BCL11B: variants seen among roughly 807,000 people sequenced by gnomAD.
BCL11B encodes the protein B-cell lymphoma/leukemia 11B.
Under a neutral mutation model 49.9 loss-of-function variants are expected in BCL11B, and 8 were observed. That is an observed-to-expected ratio of 0.16 (90% CI 0.09 to 0.29). The LOEUF (loss-of-function observed/expected upper bound fraction) is 0.29. Among genes scored for constraint, BCL11B ranks in the 10% least tolerant of loss-of-function variants. The pLI is 1.00. For missense variants in BCL11B, 1,006 were observed against 1,351.0 expected (o/e 0.74, Z 4.00); for synonymous variants, 739 against 637.4 (o/e 1.16, Z -2.40).
rs1046574116 is a variant in BCL11B at position 99,173,092 on chromosome 14, A to T, written c.*1059T>A. On this transcript the variant is annotated 3_prime_UTR_variant, in exon 4 of 4. Transcript: ENST00000357195. ...GAGATTTATGTGGTGGGGGTGATTT[A>T]AAAAAAGAGAGAAGCCGTCAAGCCA... 3 of 229,300 alleles carry T rather than the reference A, an allele frequency of 1.3e-5. No individual in the cohort carries two copies. Among genetic ancestry groups the T allele is most frequent in the African/African-American group, 2.2e-5 (1 of 45,052 alleles). 14.2% of individuals were successfully genotyped at this position (229,300 alleles called of 1,614,324 possible).
At chr14:99,260,601 C>T (rs551009859) in intron 1 of BCL11B, among the ~76,000 whole-genome samples, 67 of 152,194 alleles carry the variant, frequency 4.4e-4, no homozygotes, top group Non-Finnish European at 4.9e-4. Context: ...TCCTCAGCTT[C>T]GTCTTTTGCC....
rs538615582 is a variant in BCL11B at position 99,174,133 on chromosome 14, G to A, written c.*18C>T. 1.2e-6 allele frequency: 2 copies of A among 1,607,036 alleles called. No homozygotes were observed. Among genetic ancestry groups the A allele is most frequent in the East Asian group, 2.2e-5 (1 of 44,804 alleles). On this transcript the variant is annotated 3_prime_UTR_variant, in exon 4 of 4. Coordinates refer to ENST00000357195, the MANE Select transcript of BCL11B (RefSeq NM_138576.4). Reference sequence around the variant, plus strand: ...AACGGTTCCACTGTACAGGTGCGGGGCGCCGGGGCCCGCGCGCTTAGCTCC... The same window carrying A: ...AACGGTTCCACTGTACAGGTGCGGGACGCCGGGGCCCGCGCGCTTAGCTCC...
intron 3 of BCL11B, among the ~76,000 whole-genome samples, chr14:99,191,095 T>C (rs1402285532): frequency 6.6e-6 from 1 of 152,214 alleles, no homozygotes; most frequent in Non-Finnish European, 1.5e-5. Context: ...TTCCAGGTTG[T>C]TGTCAGTTAG....
At chr14:99,177,121 A>T (rs1173048204) in intron 3 of BCL11B, among the ~76,000 whole-genome samples, 1 of 151,938 alleles carries the variant, frequency 6.6e-6, no homozygotes, top group Admixed American at 6.6e-5. Flanking sequence ...CCGTGTCCTC[A>T]CACACACGCC....
At chr14:99,239,673 T>C (rs1171263550) in intron 2 of BCL11B, among the ~76,000 whole-genome samples, 1 of 152,206 alleles carries the variant, frequency 6.6e-6, no homozygotes, top group Non-Finnish European at 1.5e-5. Context: ...GCATCCACTG[T>C]GCCTGACCTT....
chr14:99,235,418 C>T (rs1036051570), intron 2 of BCL11B, among the ~76,000 whole-genome samples: 4 of 152,200 alleles, frequency 2.6e-5, no homozygotes, highest in Admixed American at 1.3e-4. Context: ...CCCGCGCCCC[C>T]TCCCCCCATG....
chr14:99,186,519 C>CA (rs71464609), intron 3 of BCL11B, among the ~76,000 whole-genome samples: 1 of 151,594 alleles, frequency 6.6e-6, no homozygotes, highest in African/African-American at 2.4e-5. Flanking sequence ...GACTCCGTCT[C>CA]AAAAAAAAGT....
chr14:99,234,997 G>C (rs1177726428), intron 2 of BCL11B, among the ~76,000 whole-genome samples: 1 of 151,652 alleles, frequency 6.6e-6, no homozygotes, highest in African/African-American at 2.4e-5. Context: ...TCTGTCACCC[G>C]TCTCTCTTCT....
chr14:99,266,155 G>T (rs61420263), intron 1 of BCL11B, among the ~76,000 whole-genome samples: 1,644 of 152,266 alleles, frequency 0.011, 31 homozygotes, highest in African/African-American at 0.037. Context: ...AAATCTTTGG[G>T]GAACGGTGCT....
In BCL11B at chr14:99,174,319, G is replaced by C. The variant is rs1886393009; in HGVS notation, c.2517C>G (p.Leu839=). ...GCCCGTGCGTCTTCATGTGGCGCGT[G>C]AGCTTGCTGCTCTGCGCGCACGCGT... ...CNYACAQSSK[L]TRHMKTHGQI... Residue 839 remains leucine (L), a synonymous_variant, in exon 4 of 4, where the codon CTC becomes CTG. Coordinates refer to ENST00000357195, the MANE Select transcript of BCL11B (RefSeq NM_138576.4). The C allele has an allele frequency of 1.9e-6, 3 of 1,613,462 alleles. No individual in the cohort carries two copies. The highest frequency in any genetic ancestry group is 1.7e-5 in the Admixed American group (1 of 60,032).
chr14:99,237,448 C>T (rs769783569), intron 2 of BCL11B, among the ~76,000 whole-genome samples: 3 of 152,100 alleles, frequency 2.0e-5, no homozygotes, highest in Non-Finnish European at 4.4e-5. Context: ...AGTGGGTGTG[C>T]CACGTGGCTC....
intron 3 of BCL11B, among the ~76,000 whole-genome samples, chr14:99,224,860 C>T (rs1022840925): frequency 3.3e-5 from 5 of 152,230 alleles, no homozygotes; most frequent in African/African-American, 1.2e-4. Context: ...TCCCACAATG[C>T]CTGCAGTCTA....
intron 3 of BCL11B, among the ~76,000 whole-genome samples, chr14:99,199,724 GCATA>G (rs781687079): frequency 7.5e-6 from 1 of 134,216 alleles, no homozygotes; most frequent in Admixed American, 7.3e-5. Context: ...GTGTGTGCAT[GCATA>G]TGTGTGTGTG....
chr14:99,225,399 C>T (rs186846034), intron 3 of BCL11B, among the ~76,000 whole-genome samples: 1 of 152,336 alleles, frequency 6.6e-6, no homozygotes, highest in East Asian at 1.9e-4. Flanking sequence ...CCGCTCCACA[C>T]AGAGGGCAAT....
rs762309250 is a variant in BCL11B, at chr14:99,175,596, G to C, written c.1240C>G (p.Pro414Ala). ...GGCTGCGGGGGCGGCGTGCCGCCAGGGGGCATGGGCGGCAGCGGCGGCGTG... is the reference window on the plus strand; with the variant it reads ...GGCTGCGGGGGCGGCGTGCCGCCAGCGGGCATGGGCGGCAGCGGCGGCGTG... ...LSTPPLPPMP[P>A]GGTPPPQPPA... Residue 414 changes from proline (P) to alanine (A), a missense_variant, in exon 4 of 4, where the codon CCT becomes GCT. By Grantham distance (27) the Pro-to-Ala change is conservative. Around this residue, in one of 6 missense-constraint regions of BCL11B, gnomAD observed 97 missense variants for 81.5 expected, o/e 1.19. Coordinates refer to ENST00000357195, the MANE Select transcript of BCL11B (RefSeq NM_138576.4). The C allele has an allele frequency of 6.3e-7, 1 of 1,576,460 alleles. No homozygotes were observed. Among genetic ancestry groups the C allele is most frequent in the Non-Finnish European group, 8.6e-7 (1 of 1,165,464 alleles).
At chr14:99,229,933 C>T (rs1888280294) in intron 3 of BCL11B, among the ~76,000 whole-genome samples, 1 of 152,160 alleles carries the variant, frequency 6.6e-6, no homozygotes, top group African/African-American at 2.4e-5. Context: ...GGCCTGAGCA[C>T]CTGGGGACCA....
At chr14:99,234,155 G>C (rs1045773288) in intron 2 of BCL11B, among the ~76,000 whole-genome samples, 1 of 152,126 alleles carries the variant, frequency 6.6e-6, no homozygotes, top group Non-Finnish European at 1.5e-5. Context: ...GCTGGGGGGA[G>C]CCAGTAGGGG....
intron 2 of BCL11B, among the ~76,000 whole-genome samples, chr14:99,254,745 G>A (rs1368616054): frequency 6.6e-6 from 1 of 152,276 alleles, no homozygotes; most frequent in African/African-American, 2.4e-5. Flanking sequence ...CGGGGGCCAG[G>A]AGCGTGGGCA....
intron 2 of BCL11B, among the ~76,000 whole-genome samples, chr14:99,244,681 C>T (rs146025411): frequency 1.3e-5 from 2 of 152,266 alleles, no homozygotes; most frequent in Non-Finnish European, 2.9e-5. Context: ...TTACCTTTTC[C>T]GGAGGGCTTG....
Sources: allele counts gnomAD v4.1 joint callset (sites outside exome capture counted in the v4.1 genomes callset), GRCh38; gene constraint gnomAD v4.1.1; regional missense constraint gnomAD v4.1.1; transcripts MANE v1.5; gene names NCBI Gene and HGNC (gene_info 2026-07-23, HGNC 2026-07-21).